RNF135: variants seen among roughly 807,000 people sequenced by gnomAD.
RNF135 encodes the protein ring finger protein 135, also known as E3 ubiquitin-protein ligase RNF135.
Under a neutral mutation model 41.9 loss-of-function variants are expected in RNF135, and 46 were observed. That is an observed-to-expected ratio of 1.10 (90% CI 0.87 to 1.40). The LOEUF (loss-of-function observed/expected upper bound fraction) is 1.40. RNF135 is among the 40% of genes most tolerant of loss of function. The pLI, the probability that RNF135 is intolerant of heterozygous loss-of-function variation, is 0.00. For missense variants in RNF135, 539 were observed against 549.8 expected (o/e 0.98, Z 0.20); for synonymous variants, 238 against 223.8 (o/e 1.06, Z -0.57).
At chr17:30,968,170 C>G (rs977698441), upstream of RNF135, among the ~76,000 whole-genome samples, 1 of 151,234 alleles carries the variant, frequency 6.6e-6, no homozygotes, top group Admixed American at 6.6e-5. Flanking sequence ...CGCCTGTAAT[C>G]TCAGCTACTC....
At chr17:30,976,352 ATATGT>A (rs1906461233) in intron 1 of RNF135, among the ~76,000 whole-genome samples, 1 of 152,182 alleles carries the variant, frequency 6.6e-6, no homozygotes, top group African/African-American at 2.4e-5. Context: ...GTGACCTGAC[ATATGT>A]TAGGTCTTAG....
upstream of RNF135, chr17:30,970,815 C>T (rs953680486): frequency 1.3e-5 from 7 of 558,294 alleles, no homozygotes; most frequent in African/African-American, 2.0e-5. Context: ...CCGCGGGTTT[C>T]TAGCAGCTCG....
the RNF135 span, among the ~76,000 whole-genome samples, chr17:30,961,349 C>G: frequency 2.0e-5 from 3 of 152,306 alleles, no homozygotes; most frequent in South Asian, 4.1e-4. Context: ...CCTCAGCATT[C>G]ACAATGCAAC....
Position 30,971,192 on chromosome 17 carries a change from T to TCTGCCGCCA in RNF135, c.125_133dup (p.Arg42_Cys44dup). The TCTGCCGCCA allele has an allele frequency of 6.6e-7, 1 of 1,524,946 alleles. No homozygotes were observed. Among genetic ancestry groups the TCTGCCGCCA allele is most frequent in the Non-Finnish European group, 8.8e-7 (1 of 1,142,618 alleles). 94.5% of individuals were successfully genotyped at this position (1,524,946 alleles called of 1,614,324 possible). A position where few individuals can be genotyped will look rare whatever the true frequency, so the allele number is the denominator to read the frequency against. On this transcript the variant is annotated inframe_insertion, in exon 1 of 5. Coordinates refer to ENST00000328381, the MANE Select transcript of RNF135 (RefSeq NM_032322.4). ...GCCACGCTGCCCTGCGGCCACAGCTTCTGCCGCCACTGCCTGGAGGCCCTG... is the reference window on the plus strand; with the variant it reads ...GCCACGCTGCCCTGCGGCCACAGCTTCTGCCGCCACTGCCGCCACTGCCTGGAGGCCCTG...
chr17:30,987,919 T>C, intron 2 of RNF135, 25 bp from the exon 3 acceptor site: 1 of 1,601,290 alleles, frequency 6.2e-7, no homozygotes, highest in Non-Finnish European at 8.6e-7. Flanking sequence ...TTCCATTTAT[T>C]CAGTTTTAAA....
chr17:30,966,961 C>T (rs914241053), upstream of RNF135, among the ~76,000 whole-genome samples: 7 of 152,022 alleles, frequency 4.6e-5, no homozygotes, highest in African/African-American at 1.2e-4. Flanking sequence ...CAAGATTTCT[C>T]GGCACACATA....
At chr17:30,963,530 C>A in the RNF135 span, among the ~76,000 whole-genome samples, 1 of 151,982 alleles carries the variant, frequency 6.6e-6, no homozygotes, top group African/African-American at 2.4e-5. Context: ...CGAGATCGCA[C>A]CACTGCACAC....
rs1908420161 is a variant in RNF135 at position 30,997,325 on chromosome 17, G to A, written c.763G>A (p.Ala255Thr). The stretch of plus-strand genomic sequence containing the variant: ...TGCACTCAGGAGAGCTTCTCGGTTT[G>A]CTCAGTGTAAGTATGTGGTCCACTT... The part of the protein sequence containing the change: ...HPALRRASRF[A>T]QWAIHPTFNL... Residue 255 changes from alanine to threonine, a missense_variant, in exon 4 of 5, where the codon GCT (alanine) becomes ACT (threonine). Ala to Thr is a moderately conservative substitution (Grantham distance 58, BLOSUM62 0). Transcript: ENST00000328381. 1 of 1,613,854 alleles carries A rather than the reference G, an allele frequency of 6.2e-7. No homozygotes were observed. The highest frequency in any genetic ancestry group is 8.5e-7 in the Non-Finnish European group (1 of 1,179,786).
chr17:30,991,703 C>T (rs980635758), intron 3 of RNF135, among the ~76,000 whole-genome samples: 2 of 151,850 alleles, frequency 1.3e-5, no homozygotes, highest in South Asian at 4.1e-4. Context: ...GGTGAGCCAC[C>T]GTGCCCGGCC....
chr17:30,961,524 G>A, the RNF135 span, among the ~76,000 whole-genome samples: 15 of 151,946 alleles, frequency 9.9e-5, no homozygotes, highest in East Asian at 2.7e-3. Flanking sequence ...GTGCAGTGGT[G>A]TCATCCCGGC....
In RNF135 at chr17:30,999,294, G is replaced by A. The variant is rs1034055337; in HGVS notation, c.*103G>A. On this transcript the variant is annotated 3_prime_UTR_variant, in exon 5 of 5. Coordinates refer to ENST00000328381, the MANE Select transcript of RNF135 (RefSeq NM_032322.4). ...GAATACCACTTTTTAGAAAAATTAC[G>A]ATAGAGATGGGATCTCACTAGGTTG... 17 of 1,289,728 alleles carry A rather than the reference G, an allele frequency of 1.3e-5. No individual in the cohort carries two copies. The highest frequency in any genetic ancestry group is 1.2e-4 in the South Asian group (10 of 80,348). The allele number at this position is 1,289,728 out of a possible 1,614,324, so 79.9% of individuals were successfully genotyped here.
chr17:30,980,275 A>C (rs1432482718), intron 1 of RNF135: 3 of 119,076 alleles, frequency 2.5e-5, no homozygotes, highest in Admixed American at 8.2e-5. Flanking sequence ...ACTTCCCAGT[A>C]GGGGCGGCCG....
At chr17:30,973,960 G>C (rs924772618) in intron 1 of RNF135, among the ~76,000 whole-genome samples, 2 of 152,050 alleles carry the variant, frequency 1.3e-5, no homozygotes, top group Non-Finnish European at 1.5e-5. Context: ...CATTTGGCTG[G>C]GCCAGGCATG....
chr17:30,966,951 C>G (rs538031091), upstream of RNF135, among the ~76,000 whole-genome samples: 23 of 152,184 alleles, frequency 1.5e-4, no homozygotes, highest in South Asian at 4.6e-3. Flanking sequence ...TACATGTGAA[C>G]AAGATTTCTC....
rs1049535873 is a variant in RNF135 at position 30,988,044 on chromosome 17, A to G, written c.617A>G (p.Glu206Gly). 31 of 1,614,182 alleles carry G rather than the reference A, an allele frequency of 1.9e-5. No individual in the cohort carries two copies. The East Asian group carries it at 6.7e-4, about 35-fold the overall frequency. ...AGAGATATTCTCCATGACCTAGAAGAAATTCAGGAAAAATTACAAGAAAGC... is the reference window on the plus strand; with the variant it reads ...AGAGATATTCTCCATGACCTAGAAGGAATTCAGGAAAAATTACAAGAAAGC... ...KIRDILHDLE[E>G]IQEKLQESVT... Residue 206 changes from glutamate to glycine, a missense_variant, in exon 3 of 5, where the codon GAA (glutamate) becomes GGA (glycine). Physicochemically the swap from Glu to Gly is moderately conservative, Grantham distance 98 (BLOSUM62 -2). Around this residue, in one of 2 missense-constraint regions of RNF135, gnomAD observed 262 missense variants for 336.9 expected, o/e 0.78. Coordinates refer to ENST00000328381, the MANE Select transcript of RNF135 (RefSeq NM_032322.4).
chr17:30,966,281 C>T (rs1567732205), upstream of RNF135, among the ~76,000 whole-genome samples: 1 of 151,798 alleles, frequency 6.6e-6, no homozygotes, highest in Non-Finnish European at 1.5e-5. Context: ...GAGTCAGCCA[C>T]GTTACAATAA....
intron 3 of RNF135, 76 bp downstream of exon 3, chr17:30,988,182 T>C: frequency 1.4e-6 from 2 of 1,398,852 alleles, no homozygotes; most frequent in Non-Finnish European, 2.0e-6. Flanking sequence ...TATGGCTTTG[T>C]TCTCTGGGGA....
At chr17:30,997,176 GT>G (rs1335278612) in intron 3 of RNF135, 65 bp from the exon 4 acceptor site, 1 of 1,230,962 alleles carries the variant, frequency 8.1e-7, no homozygotes, top group African/African-American at 1.5e-5. Context: ...TGACCATGAT[GT>G]TTGGAGACCT....
At chr17:30,966,434 G>T (rs9674612), upstream of RNF135, among the ~76,000 whole-genome samples, 28,367 of 135,132 alleles carry the variant, frequency 0.21, 8,759 homozygotes, top group African/African-American at 0.68. Context: ...TTATTTTTAT[G>T]TATTTATTTA....
Sources: gnomAD v4.1 joint callset for allele counts (sites outside exome capture counted in the v4.1 genomes callset) on GRCh38, gnomAD v4.1.1 for gene constraint, gnomAD v4.1.1 regional missense constraint, MANE v1.5 for transcripts, NCBI Gene and HGNC (gene_info 2026-07-23, HGNC 2026-07-21) for gene names.